MAP1S: variants seen among roughly 807,000 people sequenced by gnomAD.
The protein encoded by MAP1S is microtubule associated protein 1S, also known as microtubule-associated protein 1S.
In MAP1S, 27 loss-of-function variants were observed where a neutral mutation model predicts 60.9. The observed-to-expected ratio is 0.44, with a 90% CI of 0.33 to 0.61. The LOEUF is 0.61. Ranked by LOEUF, MAP1S falls within the 20% of genes least tolerant of loss-of-function variation. The pLI, the probability that MAP1S is intolerant of heterozygous loss-of-function variation, is 0.03. For missense variants in MAP1S, 1,608 were observed against 1,486.6 expected (o/e 1.08, Z -1.34); for synonymous variants, 826 against 694.2 (o/e 1.19, Z -2.98).
intron 3 of MAP1S, 137 bp from the exon 4 acceptor site, chr19:17,724,912 C>A: frequency 9.5e-7 from 1 of 1,051,534 alleles, no homozygotes; most frequent in Non-Finnish European, 1.4e-6. Flanking sequence ...GCCTTCGTAG[C>A]TAGTTGAGCA....
Position 17,728,158 on chromosome 19 carries a change from C to T in MAP1S, c.2774C>T (p.Thr925Ile). 1 of 1,593,774 alleles carries T rather than the reference C, an allele frequency of 6.3e-7. No homozygotes were observed. The highest frequency in any genetic ancestry group is 8.6e-7 in the Non-Finnish European group (1 of 1,167,142). ...SRKSSTPKTA[T>I]RGPSGSASSR... ...AAGTCCTCAACCCCCAAGACTGCCACTCGAGGCCCGTCGGGTGAGTACTGG... is the reference window on the plus strand; with the variant it reads ...AAGTCCTCAACCCCCAAGACTGCCATTCGAGGCCCGTCGGGTGAGTACTGG... Residue 925 changes from threonine to isoleucine, a missense_variant, in exon 5 of 7, where the codon ACT (threonine) becomes ATT (isoleucine). Physicochemically the swap from Thr to Ile is moderately conservative, Grantham distance 89. Around this residue, in one of 4 missense-constraint regions of MAP1S, gnomAD observed 1,167 missense variants for 961.4 expected, o/e 1.21. Transcript: ENST00000324096.
At chr19:17,720,900 G>A (rs914243667) in intron 1 of MAP1S, 36 bp from the exon 2 acceptor site, 15 of 1,534,796 alleles carry the variant, frequency 9.8e-6, no homozygotes, top group Non-Finnish European at 1.4e-5. Flanking sequence ...TGGGGGGCCC[G>A]GCTGAACTCC....
chr19:17,734,107 G>C (rs2080517611), intron 6 of MAP1S, among the ~76,000 whole-genome samples, 166 bp from the exon 7 acceptor site: 1 of 152,150 alleles, frequency 6.6e-6, no homozygotes, highest in Non-Finnish European at 1.5e-5. Context: ...CAGACGGGCT[G>C]ACCACCCATT....
In MAP1S at chr19:17,726,663, G is replaced by C; in HGVS notation, c.1279G>C (p.Val427Leu). Reference sequence around the variant, plus strand: ...GCACCCCGCCGGCCCCGGCGAGAAGGTGGTGCGCGTGCTGTTCCCCGGTTG... The same window carrying C: ...GCACCCCGCCGGCCCCGGCGAGAAGCTGGTGCGCGTGCTGTTCCCCGGTTG... Reference protein sequence around the residue: ...VWHPAGPGEKVVRVLFPGCTP... With the variant: ...VWHPAGPGEKLVRVLFPGCTP... The change falls in exon 5 of 7, where the codon GTG (valine) becomes CTG (leucine). Residue 427 changes from valine to leucine, a missense_variant. Physicochemically the swap from Val to Leu is conservative, Grantham distance 32. Around this residue, in one of 4 missense-constraint regions of MAP1S, gnomAD observed 1,167 missense variants for 961.4 expected, o/e 1.21. Transcript: ENST00000324096. The C allele has an allele frequency of 6.3e-7, 1 of 1,582,004 alleles. No individual in the cohort carries two copies. Among genetic ancestry groups the C allele is most frequent in the Non-Finnish European group, 8.6e-7 (1 of 1,168,138 alleles).
chr19:17,733,453 G>T (rs762787555), intron 6 of MAP1S, 25 bp downstream of exon 6: 9 of 1,549,092 alleles, frequency 5.8e-6, no homozygotes, highest in Non-Finnish European at 7.9e-6. Flanking sequence ...AGGGCCTCTG[G>T]TGGTAAGTGT....
intron 2 of MAP1S, chr19:17,721,507 T>G: frequency 4.2e-6 from 1 of 239,312 alleles, no homozygotes; most frequent in Non-Finnish European, 8.4e-6. Flanking sequence ...AGGAACCCTG[T>G]CTCTACTAAG....
chr19:17,723,736 G>A (rs556855869), intron 2 of MAP1S, among the ~76,000 whole-genome samples: 1 of 152,122 alleles, frequency 6.6e-6, no homozygotes, highest in Admixed American at 6.5e-5. Context: ...TGTAGTCCTG[G>A]CTACTCGGGA....
rs2080504394 is a variant in MAP1S at position 17,732,937 on chromosome 19, A to G, written c.2789-256A>G. ...CGTGGTGACATGCACCTGTAGTCCC[A>G]TCTACTTGGAAGGCTGAGGCAGGAG... On this transcript the variant is annotated intron_variant, in intron 5 of 6. Coordinates refer to ENST00000324096, the MANE Select transcript of MAP1S (RefSeq NM_018174.6). 7.8e-6 allele frequency: 4 copies of G among 513,472 alleles called. No homozygotes were observed. In the South Asian group the frequency reaches 8.9e-5, roughly 11 times the overall value. 31.8% of individuals were successfully genotyped at this position (513,472 alleles called of 1,614,324 possible). A position where few individuals can be genotyped will look rare whatever the true frequency, so the allele number is the denominator to read the frequency against.
intron 2 of MAP1S, chr19:17,721,582 G>C (rs1280890808): frequency 5.2e-6 from 1 of 192,014 alleles, no homozygotes; most frequent in East Asian, 1.6e-4. Context: ...GCTGAGGTGG[G>C]AGGATCACAT....
chr19:17,734,496 A>C lies in MAP1S; in HGVS notation c.*68A>C. On this transcript the variant is annotated 3_prime_UTR_variant, in exon 7 of 7. Coordinates refer to ENST00000324096, the MANE Select transcript of MAP1S (RefSeq NM_018174.6). ...CCCTAGATTCAGCCACATCAGAAAT[A>C]AACTGTGACTACACTTGGCTGTGGC... 2 of 1,543,488 alleles carry C rather than the reference A, an allele frequency of 1.3e-6. No homozygotes were observed. The highest frequency in any genetic ancestry group is 1.8e-6 in the Non-Finnish European group (2 of 1,142,302).
intron 2 of MAP1S, 80 bp from the exon 3 acceptor site, chr19:17,724,046 G>A: frequency 9.2e-7 from 1 of 1,089,312 alleles, no homozygotes; most frequent in Non-Finnish European, 1.4e-6. Context: ...CCCTGGGTGG[G>A]TTCCCAGAGG....
chr19:17,733,013 C>G (rs891118776), intron 5 of MAP1S, 180 bp from the exon 6 acceptor site: 2 of 565,320 alleles, frequency 3.5e-6, no homozygotes, highest in Non-Finnish European at 6.3e-6. Context: ...ATAGCGAGAC[C>G]CCATTTCTTA....
Position 17,719,604 on chromosome 19 carries a change from G to A in MAP1S, c.102G>A (p.Leu34=), listed in dbSNP as rs1464155988. Residue 34 remains leucine (L), a synonymous_variant, in exon 1 of 7, where the codon CTG becomes CTA. Transcript: ENST00000324096. ...FGSPGLLTYV[L]EELERGIRSW... The stretch of plus-strand genomic sequence containing the variant: ...GCCCGGGGCTCCTCACCTACGTCCT[G>A]GAGGAGCTCGAAAGAGGTCGGGCTG... 5 of 1,243,906 alleles carry A rather than the reference G, an allele frequency of 4.0e-6. No homozygotes were observed. The highest frequency in any genetic ancestry group is 5.1e-6 in the Non-Finnish European group (5 of 986,430). The allele number at this position is 1,243,906 out of a possible 1,614,324, so 77.1% of individuals were successfully genotyped here. A position where few individuals can be genotyped will look rare whatever the true frequency, so the allele number is the denominator to read the frequency against.
chr19:17,726,959 G>A lies in MAP1S; in HGVS notation c.1575G>A (p.Leu525=). 2 of 1,574,166 alleles carry A rather than the reference G, an allele frequency of 1.3e-6. No homozygotes were observed. The highest frequency in any genetic ancestry group is 1.7e-6 in the Non-Finnish European group (2 of 1,160,608). Residue 525 remains leucine (L), a synonymous_variant, in exon 5 of 7, where the codon TTG becomes TTA. Transcript: ENST00000324096. Reference sequence around the variant, plus strand: ...AAGAAGCCAAGACCCCCCGGGAGTTGAAGAAAGACCCCAAACCGAGTGTCT... The same window carrying A: ...AAGAAGCCAAGACCCCCCGGGAGTTAAAGAAAGACCCCAAACCGAGTGTCT... ...TEKEAKTPRE[L]KKDPKPSVSR... is the part of the protein sequence containing the mutation.
chr19:17,727,395 A>G lies in MAP1S; in HGVS notation c.2011A>G (p.Thr671Ala), dbSNP rs548725311. ...GGAGGCCGGGCCAGACGCCTCACCC[A>G]CAGTGACCACACCCACGGTGACCAC... ...GGEAGPDASP[T>A]VTTPTVTTPS... The change falls in exon 5 of 7, where the codon ACA (threonine) becomes GCA (alanine). Residue 671 changes from threonine to alanine, a missense_variant. Coordinates refer to ENST00000324096, the MANE Select transcript of MAP1S (RefSeq NM_018174.6). This position sits in a 1 kb window ranked among gnomAD's most constrained non-coding sequence, Gnocchi z 4.1. 5.6e-6 allele frequency: 9 copies of G among 1,596,098 alleles called. No homozygotes were observed. The highest frequency in any genetic ancestry group is 1.1e-5 in the South Asian group (1 of 89,472).
chr19:17,723,331 GA>G (rs1235845897), intron 2 of MAP1S, among the ~76,000 whole-genome samples: 2 of 149,088 alleles, frequency 1.3e-5, no homozygotes, highest in Admixed American at 6.7e-5. Context: ...CGGATCACCT[GA>G]GGTCAGGAGT....
intron 3 of MAP1S, 57 bp from the exon 4 acceptor site, chr19:17,724,992 A>G: frequency 6.2e-7 from 1 of 1,611,608 alleles, no homozygotes; most frequent in Non-Finnish European, 8.5e-7. Context: ...CCCAAAGAGG[A>G]CTGCTGGATA....
At position 17,733,273 on chromosome 19, in the gene MAP1S, G is replaced by T; in HGVS notation, c.2869G>T (p.Gly957Trp). ...CCTGGACCTGGCCTACCTGCCCAGC[G>T]GGAGCAGCGCCCACCTGGTGGATGA... is the stretch of plus-strand genomic sequence containing the variant. ...VYLDLAYLPS[G>W]SSAHLVDEEF... is the part of the protein sequence containing the mutation. The change falls in exon 6 of 7, where the codon GGG (glycine) becomes TGG (tryptophan). Residue 957 changes from glycine (G) to tryptophan (W), a missense_variant. Physicochemically the swap from Gly to Trp is radical, Grantham distance 184. Transcript: ENST00000324096. 1 of 1,568,776 alleles carries T rather than the reference G, an allele frequency of 6.4e-7. No individual in the cohort carries two copies. Among genetic ancestry groups the T allele is most frequent in the East Asian group, 2.4e-5 (1 of 42,104 alleles).
rs917038981 is a variant in MAP1S at position 17,725,826 on chromosome 19, C to T, written c.445-3C>T. 6.2e-6 allele frequency: 10 copies of T among 1,608,748 alleles called. No individual in the cohort carries two copies. The African/African-American group carries it at 1.2e-4, about 19-fold the overall frequency. ...GGTCCCTTACCACTCCTCCTCCATA[C>T]AGATCCGGGACATCCTGGCCACCAC... On this transcript the variant is annotated splice_region_variant and splice_polypyrimidine_tract_variant and intron_variant, in intron 4 of 6. Transcript: ENST00000324096. This position sits in a 1 kb window ranked among gnomAD's most constrained non-coding sequence, Gnocchi z 4.2.
Sources: allele counts gnomAD v4.1 joint callset (sites outside exome capture counted in the v4.1 genomes callset), GRCh38; gene constraint gnomAD v4.1.1; regional missense constraint gnomAD v4.1.1; non-coding constraint Gnocchi (gnomAD v3.1); transcripts MANE v1.5; gene names NCBI Gene and HGNC (gene_info 2026-07-23, HGNC 2026-07-21).